The following WNK1 variants were observed in gnomAD, a reference collection of about 807,000 sequenced individuals.
WNK1 encodes WNK lysine deficient protein kinase 1, also known as serine/threonine-protein kinase WNK1.
In WNK1, 38 loss-of-function variants were observed where a neutral mutation model predicts 222.8. The observed-to-expected ratio is 0.17, with a 90% CI of 0.13 to 0.22. WNK1 has a LOEUF of 0.22. Among genes scored for constraint, WNK1 ranks in the 10% least tolerant of loss-of-function variants. The probability of loss-of-function intolerance (pLI) is 1.00; values close to 1 mark genes in which losing one functional copy is unlikely to be tolerated. For synonymous variants in WNK1, 1,090 were observed against 1,092.9 expected, an observed-to-expected ratio of 1.00 and a Z score of 0.05; for missense variants, 2,348 against 2,918.4, an observed-to-expected ratio of 0.80 and a Z score of 4.50.
intron 24 of WNK1, 76 bp downstream of exon 24, chr12:896,808 A>G: frequency 1.3e-6 from 2 of 1,520,214 alleles, no homozygotes; most frequent in Non-Finnish European, 1.8e-6. Flanking sequence ...GATTAATAAT[A>G]TTTTTCGCCA....
At position 896,229 on chromosome 12, in the gene WNK1, C is replaced by T. The variant is rs1391710406; in HGVS notation, c.5742C>T (p.Ile1914=). 1.2e-6 allele frequency: 2 copies of T among 1,614,184 alleles called. No homozygotes were observed. Among genetic ancestry groups the T allele is most frequent in the Non-Finnish European group, 1.7e-6 (2 of 1,180,024 alleles). The change falls in exon 24 of 28, where the codon ATC becomes ATT. Residue 1914 remains isoleucine, a synonymous_variant. Coordinates refer to ENST00000315939, the MANE Select transcript of WNK1 (RefSeq NM_018979.4). The stretch of plus-strand genomic sequence containing the variant: ...AACCAGAGCCGAATGGCATAACCAT[C>T]CCTGGTATCTCTTCAGATGTGCCAG... ...LVKPEPNGIT[I]PGISSDVPES...
At chr12:865,114 G>C (rs566423174) in intron 8 of WNK1, 1 of 1,515,580 alleles carries the variant, frequency 6.6e-7, no homozygotes, top group Non-Finnish European at 8.8e-7. Flanking sequence ...GTTGAGCCTC[G>C]TCGTGGCCGT....
intron 8 of WNK1, among the ~76,000 whole-genome samples, chr12:865,903 A>G (rs910622371): frequency 5.3e-5 from 8 of 152,136 alleles, no homozygotes; most frequent in African/African-American, 1.9e-4. Flanking sequence ...AAAGAACTAC[A>G]TAATGTTCCC....
intron 1 of WNK1, among the ~76,000 whole-genome samples, chr12:808,781 G>A (rs1159289597): frequency 1.3e-5 from 1 of 79,130 alleles, no homozygotes; most frequent in African/African-American, 5.0e-5. Context: ...TTTTTTTTTT[G>A]AGAAGGAGTT....
intron 25 of WNK1, among the ~76,000 whole-genome samples, chr12:898,679 T>G (rs1954960242): frequency 6.6e-6 from 1 of 151,940 alleles, no homozygotes; most frequent in Non-Finnish European, 1.5e-5. Flanking sequence ...GCTCAGGTGG[T>G]CCTCCTACCT....
chr12:910,981 A>ATACTT lies in WNK1; in HGVS notation c.*2192_*2196dup, dbSNP rs568163399. On this transcript the variant is annotated 3_prime_UTR_variant, in exon 28 of 28. Coordinates refer to ENST00000315939, the MANE Select transcript of WNK1 (RefSeq NM_018979.4). ...GAAAGGGGCCACCCAAGAGTGAAAC[A>ATACTT]TACTTTATACCAGAGGAGCAGTGGA... The ATACTT allele has an allele frequency of 6.6e-5, 16 of 241,178 alleles. No homozygotes were observed. In the South Asian group the frequency reaches 1.6e-3, roughly 24 times the overall value. The allele number at this position is 241,178 out of a possible 1,614,324, so 14.9% of individuals were successfully genotyped here.
intron 1 of WNK1, among the ~76,000 whole-genome samples, chr12:787,594 G>A (rs1944431819): frequency 6.6e-6 from 1 of 152,128 alleles, no homozygotes; most frequent in Non-Finnish European, 1.5e-5. Flanking sequence ...TGCTTGCCTG[G>A]TTCTTAACCT....
chr12:882,201 A>ATTTT, intron 14 of WNK1, 128 bp downstream of exon 14: 1 of 889,000 alleles, frequency 1.1e-6, no homozygotes, highest in Middle Eastern at 3.7e-4. Context: ...GTGACAGATA[A>ATTTT]TTTTTTTTTT....
chr12:754,572 T>C (rs1939690431), intron 1 of WNK1, among the ~76,000 whole-genome samples: 1 of 152,204 alleles, frequency 6.6e-6, no homozygotes, highest in Admixed American at 6.5e-5. Context: ...GTCATCTTAG[T>C]ACAAACGAAT....
At chr12:764,540 G>A (rs1437197634) in intron 1 of WNK1, among the ~76,000 whole-genome samples, 1 of 140,160 alleles carries the variant, frequency 7.1e-6, no homozygotes, top group African/African-American at 2.5e-5. Context: ...GCAGGCTGAG[G>A]CAGAAGAATC....
At chr12:887,153 T>C (rs1321926055) in intron 19 of WNK1, 68 bp from the exon 20 acceptor site, 1 of 1,358,436 alleles carries the variant, frequency 7.4e-7, no homozygotes. Context: ...ATTAGTTGAT[T>C]TGCTCTTCAG....
chr12:900,333 G>C (rs1955151617), intron 25 of WNK1, 143 bp from the exon 26 acceptor site: 2 of 847,704 alleles, frequency 2.4e-6, no homozygotes, highest in Non-Finnish European at 3.9e-6. Flanking sequence ...CCGTTAGTGA[G>C]GACTTTGTTC....
At chr12:764,122 C>A (rs1006843489) in intron 1 of WNK1, among the ~76,000 whole-genome samples, 1 of 146,420 alleles carries the variant, frequency 6.8e-6, no homozygotes, top group African/African-American at 2.4e-5. Context: ...AAATGAGATA[C>A]GCTAGGGAGA....
chr12:893,833 A>AATAATAATAATAATAATAAT (rs1954501653), intron 22 of WNK1, among the ~76,000 whole-genome samples: 1 of 149,886 alleles, frequency 6.7e-6, no homozygotes, highest in Admixed American at 6.7e-5. Flanking sequence ...AAATAATAAT[A>AATAATAATAATAATAATAAT]ATAATAATAA....
In WNK1 at chr12:906,803, G is replaced by A. The variant is rs1035183660; in HGVS notation, c.6644-1044G>A. 11 of 949,716 alleles carry A rather than the reference G, an allele frequency of 1.2e-5. No homozygotes were observed. In the African/African-American group the frequency reaches 1.9e-4, roughly 17 times the overall value. 58.8% of individuals were successfully genotyped at this position (949,716 alleles called of 1,614,324 possible). On this transcript the variant is annotated intron_variant, in intron 26 of 27. Transcript: ENST00000315939. ...ACCTGTAATCCCAGCACTTTGGGAGGCTGACATGGCAGGATTGCCTGAGCC... is the reference window on the plus strand; with the variant it reads ...ACCTGTAATCCCAGCACTTTGGGAGACTGACATGGCAGGATTGCCTGAGCC...
chr12:899,986 C>T (rs1197498585), intron 25 of WNK1, among the ~76,000 whole-genome samples: 1 of 149,728 alleles, frequency 6.7e-6, no homozygotes, highest in Non-Finnish European at 1.5e-5. Flanking sequence ...TGGAATAGTA[C>T]ATATGGCCCT....
intron 2 of WNK1, among the ~76,000 whole-genome samples, chr12:821,140 A>C (rs1947847130): frequency 7.4e-6 from 1 of 135,124 alleles, no homozygotes; most frequent in South Asian, 2.3e-4. Flanking sequence ...TCGTTCTATT[A>C]GTGTGATATA....
At chr12:879,435 GTTGGT>G (rs1952920569) in intron 10 of WNK1, 133 bp from the exon 11 acceptor site, 1 of 652,384 alleles carries the variant, frequency 1.5e-6, no homozygotes, top group Non-Finnish European at 2.5e-6. Context: ...GCAGGGTTTT[GTTGGT>G]TTGGTGTTTT....
At chr12:876,501 T>TGACA (rs1952630100) in intron 9 of WNK1, among the ~76,000 whole-genome samples, 1 of 152,204 alleles carries the variant, frequency 6.6e-6, no homozygotes. Context: ...TTTTGGTGAT[T>TGACA]TTAATTGACA....
Sources: allele counts gnomAD v4.1 joint callset (sites outside exome capture counted in the v4.1 genomes callset), GRCh38; gene constraint gnomAD v4.1.1; transcripts MANE v1.5; gene names NCBI Gene and HGNC (gene_info 2026-07-23, HGNC 2026-07-21).